The following ANKRD31 variants were observed in gnomAD, a reference collection of about 807,000 sequenced individuals.
The protein encoded by ANKRD31 is ankyrin repeat domain-containing protein 31.
A neutral mutation model predicts 186.0 loss-of-function variants in ANKRD31; 147 were observed. The ratio of observed to expected loss-of-function variants is 0.79; its 90% CI spans 0.69 to 0.91. The LOEUF is 0.91. Among genes scored for constraint, ANKRD31 ranks in the 40% least tolerant of loss-of-function variants. The pLI, the probability that ANKRD31 is intolerant of heterozygous loss-of-function variation, is 0.00. For missense variants in ANKRD31, 1,986 were observed against 2,148.8 expected (o/e 0.92, Z 1.50); for synonymous variants, 673 against 736.4 (o/e 0.91, Z 1.39).
intron 4 of ANKRD31, among the ~76,000 whole-genome samples, chr5:75,207,969 A>G (rs1219817953): frequency 6.6e-6 from 1 of 152,130 alleles, no homozygotes; most frequent in African/African-American, 2.4e-5. Flanking sequence ...ATTAGAAACT[A>G]AAATGAAGAA....
At chr5:75,209,049 A>T (rs1403244414) in intron 4 of ANKRD31, among the ~76,000 whole-genome samples, 1 of 152,206 alleles carries the variant, frequency 6.6e-6, no homozygotes, top group Non-Finnish European at 1.5e-5. Context: ...ATTCTTTTTC[A>T]ATATTACAGC....
chr5:75,121,223 T>C (rs1246934548), intron 17 of ANKRD31, among the ~76,000 whole-genome samples: 1 of 149,224 alleles, frequency 6.7e-6, no homozygotes, highest in Non-Finnish European at 1.5e-5. Flanking sequence ...TGATATTTAA[T>C]GATAAAGGGT....
intron 17 of ANKRD31, among the ~76,000 whole-genome samples, chr5:75,134,297 A>C (rs1002993603): frequency 1.3e-5 from 2 of 152,160 alleles, no homozygotes; most frequent in African/African-American, 4.8e-5. Context: ...AAGAGAGAAG[A>C]ATCAAATAGA....
chr5:75,235,372 T>C (rs540522030), intron 1 of ANKRD31, among the ~76,000 whole-genome samples: 1 of 152,152 alleles, frequency 6.6e-6, no homozygotes, highest in South Asian at 2.1e-4. Context: ...AATGAATATT[T>C]TTTAAAAACT....
intron 10 of ANKRD31, among the ~76,000 whole-genome samples, chr5:75,182,724 A>T (rs972257880): frequency 1.3e-5 from 2 of 152,084 alleles, no homozygotes; most frequent in African/African-American, 4.8e-5. Context: ...CAACTTAAAA[A>T]AAAAAAAAAA....
At chr5:75,085,081 G>A (rs546728583) in intron 23 of ANKRD31, among the ~76,000 whole-genome samples, 142 of 152,104 alleles carry the variant, frequency 9.3e-4, no homozygotes, top group Non-Finnish European at 1.8e-3. Flanking sequence ...TTCACTGTGG[G>A]CAAAGCATCA....
At chr5:75,142,462 T>C (rs1751116673) in intron 15 of ANKRD31, among the ~76,000 whole-genome samples, 1 of 152,096 alleles carries the variant, frequency 6.6e-6, no homozygotes, top group Non-Finnish European at 1.5e-5. Context: ...TTTCAACAAC[T>C]AAAAGCTCTG....
intron 22 of ANKRD31, among the ~76,000 whole-genome samples, chr5:75,096,052 G>A (rs1416893864): frequency 1.3e-5 from 2 of 152,000 alleles, no homozygotes; most frequent in Non-Finnish European, 2.9e-5. Context: ...AATTGCACAG[G>A]GAACATTCTT....
At chr5:75,230,266 C>A (rs1177013033) in intron 2 of ANKRD31, among the ~76,000 whole-genome samples, 1 of 152,132 alleles carries the variant, frequency 6.6e-6, no homozygotes. Context: ...ACTGGGTTAA[C>A]AATTATGTTA....
At chr5:75,205,737 T>G (rs1756136006) in intron 5 of ANKRD31, among the ~76,000 whole-genome samples, 2 of 152,148 alleles carry the variant, frequency 1.3e-5, no homozygotes, top group African/African-American at 4.8e-5. Context: ...TATCCTTTTC[T>G]TATAATACTA....
chr5:75,098,529 C>T (rs1580320167), intron 22 of ANKRD31, among the ~76,000 whole-genome samples: 3 of 152,102 alleles, frequency 2.0e-5, no homozygotes, highest in African/African-American at 7.2e-5. Context: ...GGCAGTATGG[C>T]CATTTTCACG....
At chr5:75,234,731 A>C (rs993900975) in intron 1 of ANKRD31, among the ~76,000 whole-genome samples, 6 of 152,234 alleles carry the variant, frequency 3.9e-5, no homozygotes, top group Non-Finnish European at 8.8e-5. Context: ...ATGTGTTTGT[A>C]ATCTTGATAA....
chr5:75,140,913 G>A (rs1315826683), intron 15 of ANKRD31, among the ~76,000 whole-genome samples: 1 of 152,166 alleles, frequency 6.6e-6, no homozygotes, highest in Non-Finnish European at 1.5e-5. Flanking sequence ...TGCTGCCTAC[G>A]AACAATTCTG....
chr5:75,165,953 T>G (rs977359458), intron 11 of ANKRD31, among the ~76,000 whole-genome samples: 1 of 152,212 alleles, frequency 6.6e-6, no homozygotes, highest in African/African-American at 2.4e-5. Context: ...GACTGGATGT[T>G]AAATGGTATA....
chr5:75,198,582 T>A (rs1404454241), intron 6 of ANKRD31, among the ~76,000 whole-genome samples: 1 of 152,210 alleles, frequency 6.6e-6, no homozygotes, highest in East Asian at 1.9e-4. Flanking sequence ...CCTCAGAAGA[T>A]CTATTAATAT....
At chr5:75,088,127 G>A (rs541314424) in intron 23 of ANKRD31, among the ~76,000 whole-genome samples, 1 of 152,292 alleles carries the variant, frequency 6.6e-6, no homozygotes, top group East Asian at 1.9e-4. Context: ...ACAGAATAAG[G>A]CTGTCTGTCG....
intron 9 of ANKRD31, among the ~76,000 whole-genome samples, chr5:75,190,397 G>A (rs1002111667): frequency 2.6e-5 from 4 of 152,044 alleles, no homozygotes; most frequent in Non-Finnish European, 2.9e-5. Context: ...TTTGATTTTG[G>A]TATCAGTTTA....
At chr5:75,083,214 C>T (rs1417258982) in intron 24 of ANKRD31, among the ~76,000 whole-genome samples, 4 of 152,100 alleles carry the variant, frequency 2.6e-5, no homozygotes, top group Admixed American at 6.6e-5. Flanking sequence ...TGTGACTTGT[C>T]ACGTGAGGTC....
intron 17 of ANKRD31, among the ~76,000 whole-genome samples, chr5:75,130,431 C>G (rs994537600): frequency 6.6e-6 from 1 of 152,220 alleles, no homozygotes; most frequent in African/African-American, 2.4e-5. Context: ...CCACCTACAT[C>G]CTACTGATTG....
Sources: gnomAD v4.1 joint callset for allele counts (sites outside exome capture counted in the v4.1 genomes callset) on GRCh38, gnomAD v4.1.1 for gene constraint, MANE v1.5 for transcripts, NCBI Gene and HGNC (gene_info 2026-07-23, HGNC 2026-07-21) for gene names.